The following RYR2 variants were observed in gnomAD, a reference collection of about 807,000 sequenced individuals.
The protein encoded by RYR2 is ryanodine receptor 2, also known as cardiac muscle ryanodine receptor-calcium release channel.
In RYR2, 227 loss-of-function variants were observed where a neutral mutation model predicts 601.1. The observed-to-expected ratio is 0.38, with a 90% CI of 0.34 to 0.42. RYR2 has a LOEUF of 0.42. Among genes scored for constraint, RYR2 ranks in the 10% least tolerant of loss-of-function variants. The pLI is 1.00. For missense variants in RYR2, 4,646 were observed against 6,156.5 expected, an observed-to-expected ratio of 0.75 and a Z score of 8.21; for synonymous variants, 2,223 against 2,175.1, an observed-to-expected ratio of 1.02 and a Z score of -0.61.
chr1:237,646,916 C>T lies in RYR2; in HGVS notation c.7343-1528C>T, dbSNP rs144250582. On this transcript the variant is annotated intron_variant, in intron 48 of 104. Coordinates refer to ENST00000366574, the MANE Select transcript of RYR2 (RefSeq NM_001035.3). Reference sequence around the variant, plus strand: ...AATAAAACAGCAACTTGAGCCAATCCGTGAGTCTTGAGTTACAGGCAGATG... The same window carrying T: ...AATAAAACAGCAACTTGAGCCAATCTGTGAGTCTTGAGTTACAGGCAGATG... 4.6e-3 allele frequency among the ~76,000 whole-genome samples: 693 copies of T among 152,218 alleles called. 8 individuals are homozygous for T. The highest frequency in any genetic ancestry group is 0.011 in the African/African-American group (465 of 41,536).
intron 1 of RYR2, among the ~76,000 whole-genome samples, chr1:237,238,125 C>G (rs1197556655): frequency 6.6e-6 from 1 of 151,412 alleles, no homozygotes; most frequent in Non-Finnish European, 1.5e-5. Context: ...GCTACCACAC[C>G]TGGCTAATTT....
rs758744617 is a variant in RYR2, at chr1:237,614,701, A to T, written c.5573A>T (p.Glu1858Val). 11 of 1,613,858 alleles carry T rather than the reference A, an allele frequency of 6.8e-6. No homozygotes were observed. In the South Asian group the frequency reaches 1.2e-4, roughly 18 times the overall value. Residue 1858 changes from glutamate to valine, a missense_variant, in exon 37 of 105, where the codon GAG becomes GTG. Glu to Val is a moderately radical substitution (Grantham distance 121). Around this residue, in one of 17 missense-constraint regions of RYR2, gnomAD observed 1,807 missense variants for 2,088.1 expected, o/e 0.87. Coordinates refer to ENST00000366574, the MANE Select transcript of RYR2 (RefSeq NM_001035.3). The surrounding 1 kb of genome is among the most constrained non-coding windows in gnomAD (Gnocchi z 4.3). ...GTGTTTAAAGAAGCTGCCACTCCGG[A>T]GGAGGAGAGTGACACGCTGGAGAAA... Reference protein sequence around the residue: ...PSVFKEAATPEEESDTLEKEL... With the variant: ...PSVFKEAATPVEESDTLEKEL...
chr1:237,782,899 CCA>C (rs1192170460), intron 89 of RYR2, among the ~76,000 whole-genome samples: 2 of 152,144 alleles, frequency 1.3e-5, no homozygotes, highest in African/African-American at 4.8e-5. Flanking sequence ...GCTCCAGATC[CCA>C]CACTCTTAAC....
At chr1:237,077,729 T>A (rs550957202) in intron 1 of RYR2, among the ~76,000 whole-genome samples, 2 of 152,108 alleles carry the variant, frequency 1.3e-5, no homozygotes, top group Admixed American at 6.5e-5. Flanking sequence ...AGACAGAAAG[T>A]CAACAAGGAT....
intron 1 of RYR2, among the ~76,000 whole-genome samples, chr1:237,267,145 T>C (rs1313964210): frequency 1.3e-5 from 2 of 152,240 alleles, no homozygotes; most frequent in African/African-American, 4.8e-5. Flanking sequence ...TTGTCCAAAG[T>C]GCACAGGCTT....
Position 237,180,137 on chromosome 1 carries a change from G to A in RYR2, c.49-90360G>A, listed in dbSNP as rs1467590652. ...TCAGGATCCTCAGTGATGAGAATTG[G>A]TTGTGAGTTAGAGCCTGGGACAATG... On this transcript the variant is annotated intron_variant, in intron 1 of 104. Coordinates refer to ENST00000366574, the MANE Select transcript of RYR2 (RefSeq NM_001035.3). The surrounding 1 kb of genome is among the most constrained non-coding windows in gnomAD (Gnocchi z 5.3). 2.0e-5 allele frequency among the ~76,000 whole-genome samples: 3 copies of A among 151,306 alleles called. No individual in the cohort carries two copies. The highest frequency in any genetic ancestry group is 7.4e-5 in the African/African-American group (3 of 40,614).
At chr1:237,619,707 T>G (rs938466857) in intron 38 of RYR2, among the ~76,000 whole-genome samples, 2 of 151,888 alleles carry the variant, frequency 1.3e-5, no homozygotes, top group East Asian at 3.9e-4. Context: ...AGACGGAGTC[T>G]TTAAAGAAAT....
At position 237,535,441 on chromosome 1, in the gene RYR2, C is replaced by G. The variant is rs114701131; in HGVS notation, c.2906+4931C>G. Among the ~76,000 whole-genome samples the G allele has an allele frequency of 6.6e-5, 10 of 150,462 alleles. No homozygotes were observed. The Admixed American group carries it at 6.7e-4, about 10-fold the overall frequency. ...AACTGATCCAATAAGAAAGAAAATACGAATAGAGCTATAACTATTAAAGGA... is the reference window on the plus strand; with the variant it reads ...AACTGATCCAATAAGAAAGAAAATAGGAATAGAGCTATAACTATTAAAGGA... On this transcript the variant is annotated intron_variant, in intron 25 of 104. Transcript: ENST00000366574.
intron 17 of RYR2, among the ~76,000 whole-genome samples, chr1:237,470,570 A>G (rs1483284038): frequency 1.3e-5 from 2 of 152,202 alleles, no homozygotes; most frequent in East Asian, 3.9e-4. Context: ...AACAAAAATA[A>G]TTATGAGATG....
Position 237,617,441 on chromosome 1 carries a change from C to T in RYR2, c.5871C>T (p.Leu1957=). The change falls in exon 38 of 105, where the codon CTC becomes CTT. Residue 1957 remains leucine (L), a synonymous_variant. Transcript: ENST00000366574. ...AAGCCTTAAACATGTCAGCTGCACT[C>T]ACAGCCAGGAAGACAAAGGAATTTA... ...VMQALNMSAA[L]TARKTKEFRS... The T allele has an allele frequency of 6.2e-7, 1 of 1,613,974 alleles. No individual in the cohort carries two copies. Among genetic ancestry groups the T allele is most frequent in the Non-Finnish European group, 8.5e-7 (1 of 1,179,868 alleles).
chr1:237,474,558 C>T (rs1162745273), intron 17 of RYR2, among the ~76,000 whole-genome samples: 1 of 151,990 alleles, frequency 6.6e-6, no homozygotes, highest in Admixed American at 6.5e-5. Context: ...TCTTCCCTCC[C>T]TTCTTTAGTT....
intron 73 of RYR2, among the ~76,000 whole-genome samples, chr1:237,720,386 T>C (rs772523312): frequency 2.0e-4 from 31 of 152,224 alleles, no homozygotes; most frequent in South Asian, 6.2e-4. Context: ...GCCTTTACCA[T>C]ATTCACAATG....
At chr1:237,332,975 T>C (rs998260555) in intron 3 of RYR2, among the ~76,000 whole-genome samples, 1 of 152,190 alleles carries the variant, frequency 6.6e-6, no homozygotes, top group African/African-American at 2.4e-5. Flanking sequence ...TGCCACAGTG[T>C]ACCCAGCTTC....
At chr1:237,400,171 T>C (rs562396367) in intron 10 of RYR2, among the ~76,000 whole-genome samples, 44 of 152,262 alleles carry the variant, frequency 2.9e-4, no homozygotes, top group Non-Finnish European at 1.9e-4. Context: ...TAGAGGAAAC[T>C]AGACAAAATG....
In RYR2 at chr1:237,591,865, C is replaced by A; in HGVS notation, c.4275+12C>A. The stretch of plus-strand genomic sequence containing the variant: ...TGCAAACGTCCACGGTATGAGGTTG[C>A]AGCTTTTGTCGTTTATTTCTATCTG... On this transcript the variant is annotated intron_variant, in intron 32 of 104. Coordinates refer to ENST00000366574, the MANE Select transcript of RYR2 (RefSeq NM_001035.3). 6.3e-7 allele frequency: 1 copy of A among 1,595,074 alleles called. No individual in the cohort carries two copies. Among genetic ancestry groups the A allele is most frequent in the Non-Finnish European group, 8.6e-7 (1 of 1,166,814 alleles).
intron 1 of RYR2, among the ~76,000 whole-genome samples, chr1:237,142,090 C>T (rs1673450018): frequency 6.6e-6 from 1 of 152,202 alleles, no homozygotes; most frequent in South Asian, 2.1e-4. Flanking sequence ...CAGGTGGGGC[C>T]CCCATTGCCC....
At chr1:237,108,593 C>G (rs1276851532) in intron 1 of RYR2, among the ~76,000 whole-genome samples, 1 of 152,134 alleles carries the variant, frequency 6.6e-6, no homozygotes, top group East Asian at 1.9e-4. Flanking sequence ...ATCTATCAGT[C>G]GAAATTATTT....
intron 25 of RYR2, among the ~76,000 whole-genome samples, chr1:237,541,554 C>G (rs552124128): frequency 6.6e-6 from 1 of 152,240 alleles, no homozygotes; most frequent in South Asian, 2.1e-4. Context: ...TGGTTTCGTA[C>G]TTGATTCCTC....
chr1:237,539,138 A>G (rs1387822391), intron 25 of RYR2, among the ~76,000 whole-genome samples: 8 of 152,242 alleles, frequency 5.3e-5, no homozygotes. Context: ...TATTTAAGCA[A>G]AATATAATGT....
Sources: allele counts gnomAD v4.1 joint callset (sites outside exome capture counted in the v4.1 genomes callset), GRCh38; gene constraint gnomAD v4.1.1; regional missense constraint gnomAD v4.1.1; non-coding constraint Gnocchi (gnomAD v3.1); transcripts MANE v1.5; gene names NCBI Gene and HGNC (gene_info 2026-07-23, HGNC 2026-07-21).